TRABD2A: variants seen among roughly 807,000 people sequenced by gnomAD.
The protein encoded by TRABD2A is TraB domain containing 2A.
A neutral mutation model predicts 45.6 loss-of-function variants in TRABD2A; 43 were observed. The ratio of observed to expected loss-of-function variants is 0.94; its 90% CI spans 0.74 to 1.22. The LOEUF (loss-of-function observed/expected upper bound fraction) is 1.22, where lower values mean the gene tolerates loss of function less well. Among genes scored for constraint, TRABD2A ranks in the 50% most tolerant of loss-of-function variants. The pLI is 0.00. For missense variants in TRABD2A, 642 were observed against 652.4 expected (o/e 0.98, Z 0.17); for synonymous variants, 269 against 265.0 (o/e 1.02, Z -0.15).
At chr2:84,871,054 G>C (rs1682858937) in intron 1 of TRABD2A, among the ~76,000 whole-genome samples, 1 of 152,154 alleles carries the variant, frequency 6.6e-6, no homozygotes, top group Non-Finnish European at 1.5e-5. Flanking sequence ...AAGCATCTCT[G>C]AGTCCTACCT....
At chr2:84,831,409 CT>C (rs1050988351) in intron 5 of TRABD2A, among the ~76,000 whole-genome samples, 3 of 152,102 alleles carry the variant, frequency 2.0e-5, no homozygotes, top group African/African-American at 4.8e-5. Flanking sequence ...GGAAGGACAC[CT>C]GGGGCCCACC....
chr2:84,837,228 A>T (rs577988713), intron 4 of TRABD2A: 1 of 152,222 alleles, frequency 6.6e-6, no homozygotes, highest in Non-Finnish European at 1.5e-5. Flanking sequence ...TCCTGACCTC[A>T]GGTGACCCAC....
intron 1 of TRABD2A, among the ~76,000 whole-genome samples, chr2:84,880,171 T>C (rs2105418641): frequency 6.6e-6 from 1 of 152,278 alleles, no homozygotes; most frequent in Non-Finnish European, 1.5e-5. Context: ...GTAGGAAAAC[T>C]GATCAGAGAA....
At position 84,870,307 on chromosome 2, in the gene TRABD2A, G is replaced by A; in HGVS notation, c.587C>T (p.Ala196Val). 4.3e-6 allele frequency: 7 copies of A among 1,613,976 alleles called. No homozygotes were observed. Among genetic ancestry groups the A allele is most frequent in the Non-Finnish European group, 5.1e-6 (6 of 1,179,892 alleles). ...CCCAGTCTGTTTCCTCAGCCGCTCA[G>A]CCTCCTGGGCAAGGAACAGGTCTAA... ...PVLDLFLAQEAERLRKQTGAV... is the reference protein window; with the variant it reads ...PVLDLFLAQEVERLRKQTGAV... Residue 196 changes from alanine (A) to valine (V), a missense_variant, in exon 2 of 7, where the codon GCT (alanine) becomes GTT (valine). Physicochemically the swap from Ala to Val is moderately conservative, Grantham distance 64 (BLOSUM62 0). Transcript: ENST00000409520.
At chr2:84,844,046 G>C (rs1442624522) in intron 2 of TRABD2A, 1 of 152,212 alleles carries the variant, frequency 6.6e-6, no homozygotes, top group Non-Finnish European at 1.5e-5. Context: ...GTCTCCCCAA[G>C]GTTCTGCACA....
intron 3 of TRABD2A, among the ~76,000 whole-genome samples, 157 bp downstream of exon 3, chr2:84,841,704 G>C (rs376984130): frequency 1.3e-5 from 2 of 152,236 alleles, no homozygotes; most frequent in East Asian, 3.8e-4. Flanking sequence ...TTCATTCGCT[G>C]TAGTGCCTCA....
At chr2:84,875,779 G>C (rs1329455839) in intron 1 of TRABD2A, among the ~76,000 whole-genome samples, 1 of 152,122 alleles carries the variant, frequency 6.6e-6, no homozygotes, top group African/African-American at 2.4e-5. Context: ...GGAAGCTTGA[G>C]CCCAAAAGTT....
chr2:84,877,282 C>T (rs11678838), intron 1 of TRABD2A, among the ~76,000 whole-genome samples: 4,002 of 150,980 alleles, frequency 0.027, 87 homozygotes, highest in South Asian at 0.083. Context: ...CAGGGTAGGG[C>T]TATTTATCTC....
At chr2:84,825,003 C>T (rs1488710314) in intron 5 of TRABD2A, among the ~76,000 whole-genome samples, 1 of 152,124 alleles carries the variant, frequency 6.6e-6, no homozygotes, top group Non-Finnish European at 1.5e-5. Context: ...ACTATAAGGA[C>T]CAAGTTTCTT....
chr2:84,845,257 A>C (rs920411851), intron 2 of TRABD2A, among the ~76,000 whole-genome samples: 7 of 152,226 alleles, frequency 4.6e-5, no homozygotes, highest in African/African-American at 1.7e-4. Flanking sequence ...AGGCTGAAGC[A>C]CGAGAATCGC....
chr2:84,874,720 T>C (rs995141966), intron 1 of TRABD2A: 1 of 227,570 alleles, frequency 4.4e-6, no homozygotes, highest in Non-Finnish European at 8.8e-6. Context: ...CCTGCGTCTG[T>C]CTCCAAAAAA....
intron 3 of TRABD2A, among the ~76,000 whole-genome samples, chr2:84,840,029 C>T (rs539437910): frequency 4.7e-4 from 71 of 152,206 alleles, no homozygotes; most frequent in African/African-American, 1.5e-3. Flanking sequence ...AAACCTCAGC[C>T]TCCCACTCCT....
At chr2:84,832,258 G>T in intron 4 of TRABD2A, 113 bp from the exon 5 acceptor site, 1 of 1,041,456 alleles carries the variant, frequency 9.6e-7, no homozygotes, top group Non-Finnish European at 1.5e-6. Context: ...CTGCCTATCT[G>T]TCCAGCACAG....
chr2:84,879,583 C>A (rs937689582), intron 1 of TRABD2A: 47 of 984,916 alleles, frequency 4.8e-5, no homozygotes, highest in Non-Finnish European at 5.5e-5. Flanking sequence ...GAGATCTTAT[C>A]CAGACTCACT....
At chr2:84,845,385 T>C (rs947930758) in intron 2 of TRABD2A, among the ~76,000 whole-genome samples, 2 of 151,742 alleles carry the variant, frequency 1.3e-5, no homozygotes, top group African/African-American at 4.8e-5. Flanking sequence ...TACTGGAGAG[T>C]TTTGTGCATT....
In TRABD2A at chr2:84,821,856, T is replaced by A; in HGVS notation, c.*61A>T. The A allele has an allele frequency of 1.4e-6, 2 of 1,459,556 alleles. No individual in the cohort carries two copies. Among genetic ancestry groups the A allele is most frequent in the South Asian group, 3.0e-5 (2 of 67,616 alleles). The allele number at this position is 1,459,556 out of a possible 1,614,324, so 90.4% of individuals were successfully genotyped here. ...AACAAGGCTAGACCAGAATGTGGAGTACAGGAATGGCCATTCTTCAAGTCC... is the reference window on the plus strand; with the variant it reads ...AACAAGGCTAGACCAGAATGTGGAGAACAGGAATGGCCATTCTTCAAGTCC... On this transcript the variant is annotated 3_prime_UTR_variant, in exon 7 of 7. Transcript: ENST00000409520.
At chr2:84,879,428 G>A (rs1479872488) in intron 1 of TRABD2A, among the ~76,000 whole-genome samples, 3 of 152,092 alleles carry the variant, frequency 2.0e-5, no homozygotes, top group Non-Finnish European at 4.4e-5. Context: ...GTGATCCACC[G>A]CCTTGGCCTC....
chr2:84,831,665 T>G (rs1175385688), intron 5 of TRABD2A, among the ~76,000 whole-genome samples: 1 of 152,146 alleles, frequency 6.6e-6, no homozygotes, highest in Non-Finnish European at 1.5e-5. Context: ...TGTTTACCAC[T>G]GTCATGGCCC....
At chr2:84,840,480 C>T (rs1681672753) in intron 3 of TRABD2A, among the ~76,000 whole-genome samples, 1 of 152,188 alleles carries the variant, frequency 6.6e-6, no homozygotes, top group Admixed American at 6.5e-5. Flanking sequence ...TGCTGGCCAG[C>T]CTGGCCCTCA....
Sources: gnomAD v4.1 joint callset for allele counts (sites outside exome capture counted in the v4.1 genomes callset) on GRCh38, gnomAD v4.1.1 for gene constraint, MANE v1.5 for transcripts, NCBI Gene and HGNC (gene_info 2026-07-23, HGNC 2026-07-21) for gene names.